Variants in SNX1 observed in about 807,000 individuals in gnomAD.
The protein encoded by SNX1 is sorting nexin-1.
In SNX1, 36 loss-of-function variants were observed where a neutral mutation model predicts 71.8. The observed-to-expected ratio is 0.50, with a 90% CI of 0.38 to 0.66. The LOEUF (loss-of-function observed/expected upper bound fraction) is 0.66. SNX1 is among the 30% of genes least tolerant of loss of function. The pLI is 0.00. For synonymous variants in SNX1, 254 were observed against 240.7 expected (o/e 1.06, Z -0.51); for missense variants, 612 against 646.7 (o/e 0.95, Z 0.58).
chr15:64,109,246 G>A (rs1000160225), intron 1 of SNX1, among the ~76,000 whole-genome samples: 7 of 151,612 alleles, frequency 4.6e-5, no homozygotes, highest in African/African-American at 1.7e-4. Context: ...GGTGGCACGC[G>A]CCTGTAGTCC....
intron 1 of SNX1, among the ~76,000 whole-genome samples, chr15:64,109,176 GC>G (rs1323292288): frequency 2.0e-5 from 3 of 152,092 alleles, no homozygotes; most frequent in Non-Finnish European, 2.9e-5. Flanking sequence ...TTTCAGGCCA[GC>G]CTGGCCGACA....
intron 1 of SNX1, among the ~76,000 whole-genome samples, chr15:64,106,127 ATATC>A (rs1277102830): frequency 6.6e-6 from 1 of 152,194 alleles, no homozygotes; most frequent in African/African-American, 2.4e-5. Flanking sequence ...TCATATAAAA[ATATC>A]TAATATCAGT....
chr15:64,142,898 C>A lies in SNX1; in HGVS notation c.*5280C>A. The A allele has an allele frequency of 3.6e-6, 1 of 278,202 alleles. No individual in the cohort carries two copies. Among genetic ancestry groups the A allele is most frequent in the South Asian group, 3.1e-5 (1 of 31,854 alleles). 17.2% of individuals were successfully genotyped at this position (278,202 alleles called of 1,614,324 possible). A position where few individuals can be genotyped will look rare whatever the true frequency, so the allele number is the denominator to read the frequency against. ...TTCTGAATGCTCCTGTAGCTAGGAA[C>A]CCTAAAAAGTCTTTGAAGCAACTCA... On this transcript the variant is annotated 3_prime_UTR_variant, in exon 15 of 15. Coordinates refer to ENST00000559844, the MANE Select transcript of SNX1 (RefSeq NM_003099.5).
chr15:64,101,403 G>T (rs144545979), intron 1 of SNX1, among the ~76,000 whole-genome samples: 88 of 152,276 alleles, frequency 5.8e-4, no homozygotes, highest in Non-Finnish European at 1.1e-3. Flanking sequence ...TTAGCACAGT[G>T]TCCTCAAGGT....
chr15:64,102,786 T>TG (rs1434238572), intron 1 of SNX1, among the ~76,000 whole-genome samples: 2 of 138,804 alleles, frequency 1.4e-5, no homozygotes, highest in African/African-American at 5.4e-5. Flanking sequence ...TTTTTTTTTT[T>TG]GACACAGGGT....
chr15:64,118,081 A>G, intron 2 of SNX1, 36 bp from the exon 3 acceptor site: 1 of 1,606,668 alleles, frequency 6.2e-7, no homozygotes, highest in Non-Finnish European at 8.5e-7. Context: ...AAGACTCATT[A>G]CTGACCTTCA....
At chr15:64,097,130 C>G (rs2080910976) in intron 1 of SNX1, among the ~76,000 whole-genome samples, 2 of 174 alleles carry the variant, frequency 0.011, no homozygotes, top group African/African-American at 0.042. Context: ...AGGATTTGGT[C>G]TGTGGCTAAA....
chr15:64,114,689 A>G (rs2081111208), intron 2 of SNX1, among the ~76,000 whole-genome samples: 2 of 152,188 alleles, frequency 1.3e-5, no homozygotes, highest in African/African-American at 4.8e-5. Context: ...AGATCTTGGG[A>G]CGACTCTTAC....
chr15:64,134,909 G>C lies in SNX1; in HGVS notation c.1365+102G>C. The C allele has an allele frequency of 6.9e-7, 1 of 1,457,492 alleles. No individual in the cohort carries two copies. The allele number at this position is 1,457,492 out of a possible 1,614,324, so 90.3% of individuals were successfully genotyped here. On this transcript the variant is annotated intron_variant, in intron 12 of 14. Transcript: ENST00000559844. The surrounding 1 kb of genome is among the most constrained non-coding windows in gnomAD (Gnocchi z 4.1). ...TTTGGAACCCCACAGGGGGAAGAGC[G>C]CTGATTGAGTCTAAAGGGCCGTGGC...
chr15:64,122,656 A>G (rs1364224519), intron 4 of SNX1, among the ~76,000 whole-genome samples: 1 of 152,052 alleles, frequency 6.6e-6, no homozygotes, highest in Non-Finnish European at 1.5e-5. Context: ...TTCCGGTTTG[A>G]TGTGGGAAGG....
chr15:64,098,088 T>C (rs1176323374), intron 1 of SNX1, among the ~76,000 whole-genome samples: 2 of 152,266 alleles, frequency 1.3e-5, no homozygotes, highest in Non-Finnish European at 2.9e-5. Flanking sequence ...AGGCTTGTCT[T>C]GAACTTCTGG....
At chr15:64,100,528 C>T (rs1188448958) in intron 1 of SNX1, among the ~76,000 whole-genome samples, 1 of 146,012 alleles carries the variant, frequency 6.8e-6, no homozygotes, top group Non-Finnish European at 1.5e-5. Flanking sequence ...TGGCTTGAAC[C>T]TGGGAGTTGG....
In SNX1 at chr15:64,130,250, A is replaced by C. The variant is rs2081292931; in HGVS notation, c.944A>C (p.Glu315Ala). The C allele has an allele frequency of 6.2e-7, 1 of 1,614,084 alleles. No homozygotes were observed. Among genetic ancestry groups the C allele is most frequent in the Non-Finnish European group, 8.5e-7 (1 of 1,179,956 alleles). Residue 315 changes from glutamate (E) to alanine (A), a missense_variant, in exon 10 of 15, where the codon GAG becomes GCG. Glu to Ala is a moderately radical substitution (Grantham distance 107). This residue lies in a region of SNX1 where 296 missense variants were observed against 361.9 expected (regional missense o/e 0.82). Coordinates refer to ENST00000559844, the MANE Select transcript of SNX1 (RefSeq NM_003099.5). Reference sequence around the variant, plus strand: ...CAGTGGTTTGAGGAGAAGCTCCAGGAGGTAGAGTGTGAGGAGCAGCGCTTA... The same window carrying C: ...CAGTGGTTTGAGGAGAAGCTCCAGGCGGTAGAGTGTGAGGAGCAGCGCTTA... ...SDIWFEEKLQ[E>A]VECEEQRLRK... is the part of the protein sequence containing the mutation.
At chr15:64,101,683 C>T (rs1409525148) in intron 1 of SNX1, among the ~76,000 whole-genome samples, 2 of 152,206 alleles carry the variant, frequency 1.3e-5, no homozygotes, top group Non-Finnish European at 2.9e-5. Flanking sequence ...AACCTCCATA[C>T]TGCTTTCCAT....
rs2081308996 is a variant in SNX1, at chr15:64,131,725, G to A, written c.1054G>A (p.Ala352Thr). ...LNTAQFAKSL[A>T]MLGSSEDNTA... is the part of the protein sequence containing the mutation. Reference sequence around the variant, plus strand: ...CACAGCCCAGTTTGCAAAGAGTCTAGCCATGCTTGGGAGCTCTGAGGACAA... The same window carrying A: ...CACAGCCCAGTTTGCAAAGAGTCTAACCATGCTTGGGAGCTCTGAGGACAA... The change falls in exon 11 of 15, where the codon GCC (alanine) becomes ACC (threonine). Residue 352 changes from alanine (A) to threonine (T), a missense_variant. Physicochemically the swap from Ala to Thr is moderately conservative, Grantham distance 58. Coordinates refer to ENST00000559844, the MANE Select transcript of SNX1 (RefSeq NM_003099.5). 1 of 1,614,056 alleles carries A rather than the reference G, an allele frequency of 6.2e-7. No homozygotes were observed. Among genetic ancestry groups the A allele is most frequent in the African/African-American group, 1.3e-5 (1 of 74,908 alleles).
intron 1 of SNX1, among the ~76,000 whole-genome samples, chr15:64,106,631 C>G (rs1346850296): frequency 6.6e-6 from 1 of 152,130 alleles, no homozygotes; most frequent in Non-Finnish European, 1.5e-5. Context: ...GGAAGTTATC[C>G]TGGATTATCT....
rs886338119 is a variant in SNX1, at chr15:64,105,257, T to G, written c.160-7316T>G. ...AATTAGGGGCTTATGAGAGAAACAATAAAGGTTGCCGTCAGACTTCTGGTT... is the reference window on the plus strand; with the variant it reads ...AATTAGGGGCTTATGAGAGAAACAAGAAAGGTTGCCGTCAGACTTCTGGTT... On this transcript the variant is annotated intron_variant, in intron 1 of 14. Transcript: ENST00000559844. 5.3e-5 allele frequency among the ~76,000 whole-genome samples: 8 copies of G among 151,088 alleles called. No individual in the cohort carries two copies. In the East Asian group the frequency reaches 1.6e-3, roughly 29 times the overall value.
chr15:64,121,452 C>T (rs933403181), intron 4 of SNX1, among the ~76,000 whole-genome samples: 1 of 152,156 alleles, frequency 6.6e-6, no homozygotes, highest in Non-Finnish European at 1.5e-5. Context: ...CCTTCCTAAG[C>T]GTCTCCACAT....
intron 2 of SNX1, among the ~76,000 whole-genome samples, chr15:64,113,577 T>C (rs137898147): frequency 6.6e-6 from 1 of 152,298 alleles, no homozygotes; most frequent in Non-Finnish European, 1.5e-5. Flanking sequence ...CCCAGCACTT[T>C]GAGTGGCCAA....
Sources: gnomAD v4.1 joint callset for allele counts (sites outside exome capture counted in the v4.1 genomes callset) on GRCh38, gnomAD v4.1.1 for gene constraint, gnomAD v4.1.1 regional missense constraint, Gnocchi (gnomAD v3.1) non-coding constraint, MANE v1.5 for transcripts, NCBI Gene and HGNC (gene_info 2026-07-23, HGNC 2026-07-21) for gene names.